The following STK3 variants were observed in gnomAD, a reference collection of about 807,000 sequenced individuals.
STK3 encodes serine/threonine kinase 3.
Under a neutral mutation model 58.0 loss-of-function variants are expected in STK3, and 41 were observed. The observed-to-expected ratio is 0.71, with a 90% CI of 0.55 to 0.92. The LOEUF (loss-of-function observed/expected upper bound fraction) is 0.92, where lower values mean the gene tolerates loss of function less well. Among genes scored for constraint, STK3 ranks in the 40% least tolerant of loss-of-function variants. The pLI, the probability that STK3 is intolerant of heterozygous loss-of-function variation, is 0.00. For missense variants in STK3, 479 were observed against 602.7 expected, an observed-to-expected ratio of 0.79 and a Z score of 2.15; for synonymous variants, 170 against 191.0, an observed-to-expected ratio of 0.89 and a Z score of 0.91.
chr8:98,710,570 G>T (rs532197940), intron 4 of STK3, among the ~76,000 whole-genome samples: 1 of 152,348 alleles, frequency 6.6e-6, no homozygotes, highest in South Asian at 2.1e-4. Flanking sequence ...AGATCAAACT[G>T]CAATGCGGCA....
intron 1 of STK3, among the ~76,000 whole-genome samples, chr8:98,819,673 C>T (rs1000692090): frequency 6.6e-6 from 1 of 152,138 alleles, no homozygotes; most frequent in African/African-American, 2.4e-5. Context: ...TCCCTAGGGC[C>T]TTCCTCTGAG....
At chr8:98,465,741 T>C (rs750330191) in intron 10 of STK3, among the ~76,000 whole-genome samples, 1 of 152,218 alleles carries the variant, frequency 6.6e-6, no homozygotes, top group Non-Finnish European at 1.5e-5. Context: ...TGTGTTTACC[T>C]TGAATCTAGT....
chr8:98,752,524 C>G (rs889357070), intron 3 of STK3, among the ~76,000 whole-genome samples: 1 of 151,964 alleles, frequency 6.6e-6, no homozygotes, highest in Non-Finnish European at 1.5e-5. Flanking sequence ...CTAGGCAATA[C>G]CATCCAGGAC....
Position 98,837,204 on chromosome 8 carries a change from T to G in STK3, c.110+46443A>C, listed in dbSNP as rs1260673296. Among the ~76,000 whole-genome samples, 3 of 151,920 alleles carry G rather than the reference T, an allele frequency of 2.0e-5. No homozygotes were observed. The East Asian group carries it at 5.8e-4, about 29-fold the overall frequency. On this transcript the variant is annotated intron_variant, in intron 3 of 12. Transcript: ENST00000523601. ...ACCTATGAAGGGAAAATATAGAAAATATGGCCCTTGCCCTCTCAGAACTGC... is the reference window on the plus strand; with the variant it reads ...ACCTATGAAGGGAAAATATAGAAAAGATGGCCCTTGCCCTCTCAGAACTGC...
intron 10 of STK3, among the ~76,000 whole-genome samples, chr8:98,511,294 A>C (rs1168023414): frequency 6.6e-6 from 1 of 152,008 alleles, no homozygotes; most frequent in East Asian, 1.9e-4. Context: ...AACTTTAAAA[A>C]TATAACAATG....
At chr8:98,834,142 G>C (rs1041836581) in intron 3 of STK3, among the ~76,000 whole-genome samples, 1 of 152,142 alleles carries the variant, frequency 6.6e-6, no homozygotes, top group South Asian at 2.1e-4. Context: ...TAATAATGTA[G>C]CACCAGACAC....
At chr8:98,398,379 C>T (rs533966892), downstream of STK3, among the ~76,000 whole-genome samples, 44 of 152,188 alleles carry the variant, frequency 2.9e-4, no homozygotes, top group Middle Eastern at 3.4e-3. Context: ...TCCCCTTTTT[C>T]GCTGTGAAAG....
the STK3 span, among the ~76,000 whole-genome samples, chr8:98,361,984 C>T: frequency 6.6e-6 from 1 of 152,184 alleles, no homozygotes. Context: ...CCTCTGTCAA[C>T]TGGAACTGGC....
chr8:98,836,222 A>G (rs1260379697), intron 3 of STK3, among the ~76,000 whole-genome samples: 1 of 151,904 alleles, frequency 6.6e-6, no homozygotes, highest in Non-Finnish European at 1.5e-5. Context: ...AAAAACCCAC[A>G]AGAGAAATTT....
At chr8:98,701,628 A>T (rs1825624614) in intron 6 of STK3, among the ~76,000 whole-genome samples, 1 of 143,780 alleles carries the variant, frequency 7.0e-6, no homozygotes, top group Admixed American at 6.8e-5. Flanking sequence ...TCTCAAAAAA[A>T]AATATATATA....
intron 10 of STK3, among the ~76,000 whole-genome samples, chr8:98,495,590 T>G (rs1243720813): frequency 2.0e-5 from 3 of 152,200 alleles, no homozygotes; most frequent in Non-Finnish European, 2.9e-5. Flanking sequence ...CATGGTCTAA[T>G]TACATAAAAC....
intron 8 of STK3, among the ~76,000 whole-genome samples, chr8:98,563,693 G>A (rs145793413): frequency 9.2e-5 from 14 of 152,128 alleles, no homozygotes; most frequent in South Asian, 4.1e-4. Context: ...AAACAAAACC[G>A]CACAATGATG....
At chr8:98,898,093 TAGG>T (rs1244466551) in intron 1 of STK3, among the ~76,000 whole-genome samples, 2 of 152,214 alleles carry the variant, frequency 1.3e-5, no homozygotes, top group African/African-American at 4.8e-5. Flanking sequence ...TCAGGTTTGC[TAGG>T]AGAAGAAGCA....
chr8:98,903,534 TCTTCTTCTTCTTCTTCTTCTTC>T (rs1422401207), intron 1 of STK3, among the ~76,000 whole-genome samples: 1,090 of 32,014 alleles, frequency 0.034, 29 homozygotes, highest in African/African-American at 0.06. Context: ...TTCTTCTTCT[TCTTCTTCTTCTTCTTCTTCTTC>T]CTTTTTTTTT....
At chr8:98,518,689 A>T (rs1439804569) in intron 10 of STK3, among the ~76,000 whole-genome samples, 2 of 152,164 alleles carry the variant, frequency 1.3e-5, no homozygotes, top group Non-Finnish European at 2.9e-5. Context: ...AGACAATCAC[A>T]TGACACAACT....
At chr8:98,566,232 G>C (rs1479756186) in intron 8 of STK3, among the ~76,000 whole-genome samples, 1 of 151,970 alleles carries the variant, frequency 6.6e-6, no homozygotes, top group Non-Finnish European at 1.5e-5. Context: ...TAGTTACCCA[G>C]GGCACAGGTG....
chr8:98,355,075 C>T, the STK3 span, among the ~76,000 whole-genome samples: 24 of 152,236 alleles, frequency 1.6e-4, no homozygotes, highest in African/African-American at 5.8e-4. Context: ...GCCACCGCAA[C>T]CTGCCAAGAG....
chr8:98,393,329 A>G (rs1486299594), intron 3 of STK3, among the ~76,000 whole-genome samples: 4 of 152,102 alleles, frequency 2.6e-5, no homozygotes, highest in Non-Finnish European at 4.4e-5. Flanking sequence ...CCCAATTCCT[A>G]TGGATCGCCA....
intron 1 of STK3, among the ~76,000 whole-genome samples, chr8:98,446,946 A>T (rs1818976469): frequency 6.6e-6 from 1 of 152,176 alleles, no homozygotes; most frequent in Admixed American, 6.5e-5. Flanking sequence ...GAGGACATGG[A>T]TGGAGTTGGA....
Sources: gnomAD v4.1 joint callset for allele counts (sites outside exome capture counted in the v4.1 genomes callset) on GRCh38, gnomAD v4.1.1 for gene constraint, MANE v1.5 for transcripts, NCBI Gene and HGNC (gene_info 2026-07-23, HGNC 2026-07-21) for gene names.